The following TARS1 variants were observed in gnomAD, a reference collection of about 807,000 sequenced individuals.
The protein encoded by TARS1 is threonyl-tRNA synthetase 1, also known as threonine--tRNA ligase 1, cytoplasmic.
A neutral mutation model predicts 97.7 loss-of-function variants in TARS1; 57 were observed. The ratio of observed to expected loss-of-function variants is 0.58; its 90% CI spans 0.47 to 0.73. TARS1 has a LOEUF of 0.73. Among genes scored for constraint, TARS1 ranks in the 30% least tolerant of loss-of-function variants. The probability of loss-of-function intolerance (pLI) is 0.00; values close to 1 mark genes in which losing one functional copy is unlikely to be tolerated. For missense variants in TARS1, 806 were observed against 888.3 expected (o/e 0.91, Z 1.18); for synonymous variants, 312 against 293.7 (o/e 1.06, Z -0.64).
intron 16 of TARS1, among the ~76,000 whole-genome samples, chr5:33,462,736 ATCTTAAT>A (rs1338559416): frequency 1.3e-5 from 2 of 152,220 alleles, no homozygotes; most frequent in Non-Finnish European, 2.9e-5. Flanking sequence ...CATAACTTTC[ATCTTAAT>A]TCTTAAGCAG....
intron 3 of TARS1, among the ~76,000 whole-genome samples, chr5:33,450,254 A>T (rs1178317336): frequency 6.6e-6 from 1 of 152,198 alleles, no homozygotes; most frequent in African/African-American, 2.4e-5. Flanking sequence ...AACCATTTGG[A>T]ATCACCATAT....
Position 33,467,678 on chromosome 5 carries a change from C to G in TARS1, c.2142C>G (p.Phe714Leu), listed in dbSNP as rs1474377223. Residue 714 changes from phenylalanine to leucine, a missense_variant, in exon 19 of 19, where the codon TTC becomes TTG. Phe to Leu is a conservative substitution (Grantham distance 22). Transcript: ENST00000265112. ...AGCGGCTACAGCAGCTCAAAGAGTT[C>G]CGCAGCAAACAGGCAGAAGAAGAAT... is the stretch of plus-strand genomic sequence containing the variant. ...TIERLQQLKE[F>L]RSKQAEEEF 16 of 1,612,826 alleles carry G rather than the reference C, an allele frequency of 9.9e-6. No individual in the cohort carries two copies. The highest frequency in any genetic ancestry group is 2.7e-5 in the African/African-American group (2 of 74,858).
Position 33,458,646 on chromosome 5 carries a change from A to T in TARS1, c.1065A>T (p.Ala355=). The T allele has an allele frequency of 6.2e-7, 1 of 1,612,924 alleles. No homozygotes were observed. The highest frequency in any genetic ancestry group is 8.5e-7 in the Non-Finnish European group (1 of 1,179,320). ...CAAAAGGAGCCTACATTTATAATGC[A>T]CTTATTGAATTCATTAGGGTAAGTC... is the stretch of plus-strand genomic sequence containing the variant. ...FLPKGAYIYN[A]LIEFIRSEYR... The change falls in exon 10 of 19, where the codon GCA becomes GCT. Residue 355 remains alanine (A), a synonymous_variant. Transcript: ENST00000265112.
At position 33,443,320 on chromosome 5, in the gene TARS1, C is replaced by CCTCTCTCTCTCT. The variant is rs769681224; in HGVS notation, c.58-1974_58-1963dup. Reference sequence around the variant, plus strand: ...TGTGGTGATTCCCTCTCTCTCTCTCCCTCTCTCTCTCTCTCTCTCTCTCTC... The same window carrying CCTCTCTCTCTCT: ...TGTGGTGATTCCCTCTCTCTCTCTCCCTCTCTCTCTCTCTCTCTCTCTCTCTCTCTCTCTCTC... On this transcript the variant is annotated intron_variant, in intron 1 of 18. Coordinates refer to ENST00000265112, the MANE Select transcript of TARS1 (RefSeq NM_152295.5). Among the ~76,000 whole-genome samples the CCTCTCTCTCTCT allele has an allele frequency of 2.0e-3, 232 of 118,454 alleles. 9 individuals carry two copies. Among genetic ancestry groups the CCTCTCTCTCTCT allele is most frequent in the African/African-American group, 3.7e-3 (115 of 31,478 alleles). 77.7% of individuals were successfully genotyped at this position (118,454 alleles called of 152,430 possible).
intron 3 of TARS1, 27 bp from the exon 4 acceptor site, chr5:33,453,262 A>C: frequency 8.2e-7 from 1 of 1,213,426 alleles, no homozygotes; most frequent in African/African-American, 1.6e-5. Context: ...ATATGTGTGG[A>C]CTTTTTTTTT....
In TARS1 at chr5:33,441,131, C is replaced by T. The variant is rs756686852; in HGVS notation, c.45C>T (p.Gly15=). ...GCAGTCCTTCAGGGAAGATGGGAGG[C>T]GAGGAGAAGCCGGTGAGCAAACTTG... ...KASSPSGKMG[G]EEKPIGAGEE... is the part of the protein sequence containing the mutation. The change falls in exon 1 of 19, where the codon GGC becomes GGT. Residue 15 remains glycine, a synonymous_variant. Coordinates refer to ENST00000265112, the MANE Select transcript of TARS1 (RefSeq NM_152295.5). The T allele has an allele frequency of 1.2e-6, 2 of 1,614,128 alleles. No individual in the cohort carries two copies. Among genetic ancestry groups the T allele is most frequent in the South Asian group, 2.2e-5 (2 of 91,082 alleles).
In TARS1 at chr5:33,458,622, A is replaced by T; in HGVS notation, c.1041A>T (p.Pro347=). 1.2e-6 allele frequency: 2 copies of T among 1,613,620 alleles called. No individual in the cohort carries two copies. Among genetic ancestry groups the T allele is most frequent in the Non-Finnish European group, 1.7e-6 (2 of 1,179,746 alleles). Residue 347 remains proline, a synonymous_variant, in exon 10 of 19, where the codon CCA becomes CCT. Transcript: ENST00000265112. ...ELSPGSCFFL[P]KGAYIYNALI... ...GCCCTGGAAGTTGCTTTTTTCTGCC[A>T]AAAGGAGCCTACATTTATAATGCAC...
chr5:33,455,206 T>C (rs1741954557), intron 5 of TARS1, 140 bp downstream of exon 5: 1 of 1,120,826 alleles, frequency 8.9e-7, no homozygotes, highest in Non-Finnish European at 1.2e-6. Flanking sequence ...GTACTTGAAG[T>C]GTTGCAATTT....
chr5:33,452,870 C>T (rs558101013), intron 3 of TARS1, among the ~76,000 whole-genome samples: 1 of 151,450 alleles, frequency 6.6e-6, no homozygotes, highest in African/African-American at 2.4e-5. Context: ...TGCCAGTTGT[C>T]CCAGCTACTC....
chr5:33,457,210 A>T (rs750301393), intron 8 of TARS1, 47 bp from the exon 9 acceptor site: 2 of 1,596,876 alleles, frequency 1.3e-6, no homozygotes, highest in Non-Finnish European at 1.7e-6. Context: ...AATAAGTGAG[A>T]TGTTTACAAA....
In TARS1 at chr5:33,441,342, C is replaced by T. The variant is rs957850101; in HGVS notation, c.57+199C>T. 10 of 605,786 alleles carry T rather than the reference C, an allele frequency of 1.7e-5. No homozygotes were observed. In the East Asian group the frequency reaches 2.8e-4, roughly 17 times the overall value. The allele number at this position is 605,786 out of a possible 1,614,324, so 37.5% of individuals were successfully genotyped here. On this transcript the variant is annotated intron_variant, in intron 1 of 18. Transcript: ENST00000265112. The stretch of plus-strand genomic sequence containing the variant: ...ATTCATAAATTAGGGTGGGGCCTTG[C>T]AGTTCATCTGTGGGTCCATTCTCTT...
intron 3 of TARS1, chr5:33,452,289 T>C (rs532562063): frequency 2.2e-5 from 30 of 1,348,074 alleles, no homozygotes; most frequent in Non-Finnish European, 3.0e-5. Context: ...ATTATTTCTC[T>C]AGCTGTGCAT....
intron 2 of TARS1, among the ~76,000 whole-genome samples, chr5:33,445,666 G>T (rs1477929231): frequency 6.6e-6 from 1 of 152,238 alleles, no homozygotes; most frequent in African/African-American, 2.4e-5. Flanking sequence ...AAAAATCAGA[G>T]AACAAAAGTT....
intron 1 of TARS1, chr5:33,441,406 C>T: frequency 2.1e-6 from 1 of 481,932 alleles, no homozygotes; most frequent in Non-Finnish European, 3.8e-6. Flanking sequence ...GCGACTTGTT[C>T]AGAGCCTCAC....
chr5:33,467,668 T>A lies in TARS1; in HGVS notation c.2132T>A (p.Leu711His), dbSNP rs201512233. The change falls in exon 19 of 19, where the codon CTC (leucine) becomes CAC (histidine). Residue 711 changes from leucine (L) to histidine (H), a missense_variant. By Grantham distance (99) the Leu-to-His change is moderately conservative. Around this residue, in one of 3 missense-constraint regions of TARS1, gnomAD observed 446 missense variants for 511.0 expected, o/e 0.87. Transcript: ENST00000265112. ...ISETIERLQQ[L>H]KEFRSKQAEE... ...GAAACTATCGAGCGGCTACAGCAGC[T>A]CAAAGAGTTCCGCAGCAAACAGGCA... 20 of 1,613,544 alleles carry A rather than the reference T, an allele frequency of 1.2e-5. No individual in the cohort carries two copies. The highest frequency in any genetic ancestry group is 1.7e-5 in the Non-Finnish European group (20 of 1,179,798).
At chr5:33,440,711 A>C (rs994447601), upstream of TARS1, 2 of 431,790 alleles carry the variant, frequency 4.6e-6, no homozygotes, top group Non-Finnish European at 4.1e-6. Context: ...TGTTCCACAT[A>C]AAGTCAGAAG....
intron 16 of TARS1, 103 bp from the exon 17 acceptor site, chr5:33,463,650 C>A: frequency 9.8e-7 from 1 of 1,018,222 alleles, no homozygotes; most frequent in Non-Finnish European, 1.5e-6. Context: ...GTAGTCGTTA[C>A]ATGTTCCAGG....
chr5:33,463,697 C>T, intron 16 of TARS1, 56 bp from the exon 17 acceptor site: 2 of 1,398,594 alleles, frequency 1.4e-6, no homozygotes, highest in Non-Finnish European at 1.0e-6. Flanking sequence ...AATATGCTGT[C>T]CCTGTTTAGT....
Position 33,453,368 on chromosome 5 carries a change from T to C in TARS1, c.409T>C (p.Cys137Arg). Residue 137 changes from cysteine (C) to arginine (R), a missense_variant, in exon 4 of 19, where the codon TGT (cysteine) becomes CGT (arginine). Cys to Arg is a radical substitution (Grantham distance 180, BLOSUM62 -3). Coordinates refer to ENST00000265112, the MANE Select transcript of TARS1 (RefSeq NM_152295.5). ...CCTGGACCGCCCTCTGGAAGAAGAT[T>C]GTACCTTGGAGCTTCTCAAGTTTGA... ...WDLDRPLEEDCTLELLKFEDE... is the reference protein window; with the variant it reads ...WDLDRPLEEDRTLELLKFEDE... 6.2e-7 allele frequency: 1 copy of C among 1,613,576 alleles called. No homozygotes were observed. The highest frequency in any genetic ancestry group is 8.5e-7 in the Non-Finnish European group (1 of 1,179,910).
Sources: gnomAD v4.1 joint callset for allele counts (sites outside exome capture counted in the v4.1 genomes callset) on GRCh38, gnomAD v4.1.1 for gene constraint, gnomAD v4.1.1 regional missense constraint, MANE v1.5 for transcripts, NCBI Gene and HGNC (gene_info 2026-07-23, HGNC 2026-07-21) for gene names.